Variants in PKHD1 observed in about 807,000 individuals in gnomAD.
PKHD1 encodes PKHD1 ciliary IPT domain containing fibrocystin/polyductin.
PKHD1 carries 291 observed loss-of-function variants against 412.0 expected under a neutral mutation model. The ratio of observed to expected loss-of-function variants is 0.71; its 90% confidence interval spans 0.64 to 0.78. The LOEUF (loss-of-function observed/expected upper bound fraction) is 0.78. PKHD1 is among the 30% of genes least tolerant of loss of function. PKHD1 has a pLI of 0.00. For missense variants in PKHD1, 4,825 were observed against 4,950.7 expected (o/e 0.97, Z 0.76); for synonymous variants, 1,777 against 1,821.5 (o/e 0.98, Z 0.62).
rs545298911 is a variant in PKHD1, at chr6:51,967,450, G to A, written c.5752-7424C>T. On this transcript the variant is annotated intron_variant, in intron 35 of 66. Transcript: ENST00000371117. Reference sequence around the variant, plus strand: ...TCAGTATTAAAACATGCGCAAAATGGAACTTTCTGTAATTGAAAATAGGTA... The same window carrying A: ...TCAGTATTAAAACATGCGCAAAATGAAACTTTCTGTAATTGAAAATAGGTA... 5.9e-5 allele frequency among the ~76,000 whole-genome samples: 9 copies of A among 152,216 alleles called. No homozygotes were observed. In the South Asian group the frequency reaches 1.9e-3, roughly 32 times the overall value.
chr6:51,844,173 C>T (rs913987519), intron 50 of PKHD1, among the ~76,000 whole-genome samples: 2 of 152,112 alleles, frequency 1.3e-5, no homozygotes, highest in Admixed American at 6.5e-5. Context: ...ATGTTTTGTG[C>T]CACAATTCCA....
chr6:52,053,972 G>A, intron 20 of PKHD1, 66 bp downstream of exon 20: 1 of 1,557,622 alleles, frequency 6.4e-7, no homozygotes, highest in South Asian at 1.1e-5. Flanking sequence ...GTGGGTAACT[G>A]TCCCCAAAAC....
intron 52 of PKHD1, among the ~76,000 whole-genome samples, chr6:51,800,330 G>A (rs1762714251): frequency 1.3e-5 from 2 of 152,004 alleles, no homozygotes; most frequent in African/African-American, 2.4e-5. Flanking sequence ...AATAATATCT[G>A]GAAAGTTAAC....
At chr6:51,820,193 CA>C (rs11306234) in intron 52 of PKHD1, among the ~76,000 whole-genome samples, 140,218 of 152,156 alleles carry the variant, frequency 0.92, 65,738 homozygotes, top group East Asian at 1. Flanking sequence ...GTATGTGTTC[CA>C]AAAGGAAACA....
At chr6:52,043,440 C>T (rs1270829892) in intron 26 of PKHD1, among the ~76,000 whole-genome samples, 185 bp downstream of exon 26, 1 of 152,184 alleles carries the variant, frequency 6.6e-6, no homozygotes, top group African/African-American at 2.4e-5. Flanking sequence ...TCCATCTCTC[C>T]CCATTTCAAA....
chr6:51,881,933 C>A (rs1464347236), intron 46 of PKHD1, among the ~76,000 whole-genome samples: 11 of 152,136 alleles, frequency 7.2e-5, no homozygotes, highest in Admixed American at 7.2e-4. Flanking sequence ...TGAATTACAC[C>A]CCAAGGGTGT....
chr6:51,983,278 G>A (rs1014065342), intron 35 of PKHD1, among the ~76,000 whole-genome samples: 1 of 152,210 alleles, frequency 6.6e-6, no homozygotes, highest in East Asian at 1.9e-4. Flanking sequence ...AAGGGGGCTT[G>A]CTTGTATTGA....
chr6:51,770,931 C>A (rs1021031647), intron 55 of PKHD1, among the ~76,000 whole-genome samples: 1 of 151,900 alleles, frequency 6.6e-6, no homozygotes, highest in Non-Finnish European at 1.5e-5. Context: ...ATTAGGCCAC[C>A]CAATAATGTG....
At chr6:52,079,796 A>G in intron 5 of PKHD1, 104 bp downstream of exon 5, 1 of 781,492 alleles carries the variant, frequency 1.3e-6, no homozygotes, top group Non-Finnish European at 2.4e-6. Context: ...TTTTCTTTTA[A>G]CCCGGTCAAG....
At chr6:52,049,311 C>G (rs1211219128) in intron 22 of PKHD1, among the ~76,000 whole-genome samples, 1 of 152,176 alleles carries the variant, frequency 6.6e-6, no homozygotes, top group African/African-American at 2.4e-5. Context: ...TGTATCCAAA[C>G]ATATCTAAAC....
At position 52,035,667 on chromosome 6, in the gene PKHD1, A is replaced by G; in HGVS notation, c.3152T>C (p.Leu1051Ser). Residue 1051 changes from leucine to serine, a missense_variant, in exon 28 of 67, where the codon TTA becomes TCA. Coordinates refer to ENST00000371117, the MANE Select transcript of PKHD1 (RefSeq NM_138694.4). ...GATGGCACACGAGTAAGATCCAAAT[A>G]ATATCAGGCTAACACCTTCCAAACT... ...GSSLEGVSLI[L>S]FGSYSCAINV... 6.2e-7 allele frequency: 1 copy of G among 1,613,972 alleles called. No homozygotes were observed. The highest frequency in any genetic ancestry group is 8.5e-7 in the Non-Finnish European group (1 of 1,179,880).
At position 51,737,020 on chromosome 6, in the gene PKHD1, C is replaced by CT. The variant is rs1326039914; in HGVS notation, c.10156+7364dup. Among the ~76,000 whole-genome samples the CT allele has an allele frequency of 7.2e-5, 11 of 152,078 alleles. No homozygotes were observed. The South Asian group carries it at 1.0e-3, about 14-fold the overall frequency. On this transcript the variant is annotated intron_variant, in intron 60 of 66. Coordinates refer to ENST00000371117, the MANE Select transcript of PKHD1 (RefSeq NM_138694.4). ...GACAGTCAAATGCCAGCTTTATTTT[C>CT]TTTTTTTTATCAACCTAATCTTTTA...
At chr6:52,074,612 C>A (rs753439602) in intron 6 of PKHD1, among the ~76,000 whole-genome samples, 8 of 152,100 alleles carry the variant, frequency 5.3e-5, no homozygotes, top group Non-Finnish European at 4.4e-5. Context: ...TGTTTTGTTT[C>A]TAAACGAAGA....
At chr6:51,758,897 C>A (rs1004863733) in intron 55 of PKHD1, among the ~76,000 whole-genome samples, 1 of 152,152 alleles carries the variant, frequency 6.6e-6, no homozygotes, top group Non-Finnish European at 1.5e-5. Flanking sequence ...AAGACATTCA[C>A]GTGTAAACAC....
chr6:51,721,489 T>C, intron 60 of PKHD1: 1 of 896,674 alleles, frequency 1.1e-6, no homozygotes, highest in South Asian at 5.1e-5. Context: ...ATTTCACCTA[T>C]CACTTTATTC....
rs185558028 is a variant in PKHD1, at chr6:51,920,354, G to A, written c.6122-7778C>T. On this transcript the variant is annotated intron_variant, in intron 37 of 66. Transcript: ENST00000371117. The stretch of plus-strand genomic sequence containing the variant: ...AGATGAAGGGCTGTTGAATTTTGTC[G>A]AAGGCCTTTTCTGCATCTATTGAGA... 1.3e-3 allele frequency among the ~76,000 whole-genome samples: 197 copies of A among 152,228 alleles called. 1 individual carries two copies. In the South Asian group the frequency reaches 0.016, roughly 13 times the overall value.
At position 51,976,944 on chromosome 6, in the gene PKHD1, T is replaced by TAAAAAAAAAAAAAAAAAAAAA. The variant is rs10671492; in HGVS notation, c.5752-16919_5752-16918insTTTTTTTTTTTTTTTTTTTTT. 4.6e-4 allele frequency among the ~76,000 whole-genome samples: 43 copies of TAAAAAAAAAAAAAAAAAAAAA among 93,510 alleles called. 2 individuals are homozygous for TAAAAAAAAAAAAAAAAAAAAA. Among genetic ancestry groups the TAAAAAAAAAAAAAAAAAAAAA allele is most frequent in the African/African-American group, 1.8e-3 (39 of 21,898 alleles). The allele number at this position is 93,510 out of a possible 152,430, so 61.3% of individuals were successfully genotyped here. ...GCCTGGGTGATAGAGTGAGACTCCA[T>TAAAAAAAAAAAAAAAAAAAAA]AAAAAAAAAAAAAAAAAAAACCTGA... On this transcript the variant is annotated intron_variant, in intron 35 of 66. Transcript: ENST00000371117.
Position 51,934,178 on chromosome 6 carries a change from T to A in PKHD1, c.6053A>T (p.Tyr2018Phe). ...RAQITLYGSS[Y>F]STPFFPYGVK... ...TCCATAGGGAAAGAAGGGAGTTGAGTAGGAACTCCCGTAGAGTGTGATCTG... is the reference window on the plus strand; with the variant it reads ...TCCATAGGGAAAGAAGGGAGTTGAGAAGGAACTCCCGTAGAGTGTGATCTG... Residue 2018 changes from tyrosine (Y) to phenylalanine (F), a missense_variant, in exon 37 of 67, where the codon TAC becomes TTC. By Grantham distance (22) the Tyr-to-Phe change is conservative. Transcript: ENST00000371117. 6.2e-7 allele frequency: 1 copy of A among 1,613,446 alleles called. No homozygotes were observed. The highest frequency in any genetic ancestry group is 8.5e-7 in the Non-Finnish European group (1 of 1,179,416).
At chr6:51,901,690 TA>T (rs11331045) in intron 43 of PKHD1, among the ~76,000 whole-genome samples, 57,098 of 138,060 alleles carry the variant, frequency 0.41, 12,161 homozygotes, top group East Asian at 0.84. Context: ...AAAAAAAACT[TA>T]AAAAAAAAAA....
Sources: allele counts gnomAD v4.1 joint callset (sites outside exome capture counted in the v4.1 genomes callset), GRCh38; gene constraint gnomAD v4.1.1; transcripts MANE v1.5; gene names NCBI Gene and HGNC (gene_info 2026-07-23, HGNC 2026-07-21).